CEMIP2: variants seen among roughly 807,000 people sequenced by gnomAD.
CEMIP2 encodes cell migration inducing hyaluronidase 2, also known as cell surface hyaluronidase CEMIP2.
Under a neutral mutation model 146.9 loss-of-function variants are expected in CEMIP2, and 79 were observed. The observed-to-expected ratio is 0.54, with a 90% CI of 0.45 to 0.65. The LOEUF (loss-of-function observed/expected upper bound fraction) is 0.65. Among genes scored for constraint, CEMIP2 ranks in the 30% least tolerant of loss-of-function variants. The pLI, the probability that CEMIP2 is intolerant of heterozygous loss-of-function variation, is 0.00. For missense variants in CEMIP2, 1,596 were observed against 1,696.2 expected, an observed-to-expected ratio of 0.94 and a Z score of 1.04; for synonymous variants, 601 against 606.3, an observed-to-expected ratio of 0.99 and a Z score of 0.13.
At chr9:71,768,066 G>A (rs1340418594) in intron 1 of CEMIP2, among the ~76,000 whole-genome samples, 3 of 152,202 alleles carry the variant, frequency 2.0e-5, no homozygotes, top group African/African-American at 7.2e-5. Flanking sequence ...AGAGAGTGGA[G>A]AGAAAGAAAT....
rs749251269 is a variant in CEMIP2 at position 71,730,157 on chromosome 9, G to A, written c.1870C>T (p.Leu624Phe). The A allele has an allele frequency of 3.1e-6, 5 of 1,613,996 alleles. No homozygotes were observed. The highest frequency in any genetic ancestry group is 2.2e-5 in the South Asian group (2 of 91,078). ...GGCAGGAGAGTACCCGGCTTGGTGA[G>A]GAGTCCCAGATTGTGGAACAAAGTA... Reference protein sequence around the residue: ...RNTLFHNLGLLTKPGTLLPTD... With the variant: ...RNTLFHNLGLFTKPGTLLPTD... The change falls in exon 9 of 24, where the codon CTC (leucine) becomes TTC (phenylalanine). Residue 624 changes from leucine (L) to phenylalanine (F), a missense_variant. By Grantham distance (22) the Leu-to-Phe change is conservative. Transcript: ENST00000377044.
chr9:71,690,382 T>C, intron 21 of CEMIP2, 136 bp from the exon 22 acceptor site: 1 of 1,154,690 alleles, frequency 8.7e-7, no homozygotes, highest in Admixed American at 2.7e-5. Context: ...AATTGTGTGC[T>C]TCACTTGCTT....
intron 12 of CEMIP2, among the ~76,000 whole-genome samples, chr9:71,721,361 T>C (rs1823226138): frequency 6.6e-6 from 1 of 152,216 alleles, no homozygotes; most frequent in Non-Finnish European, 1.5e-5. Context: ...ATCTCTTCTA[T>C]TTTTTCACTT....
At chr9:71,698,254 T>G in intron 19 of CEMIP2, 50 bp from the exon 20 acceptor site, 1 of 1,547,806 alleles carries the variant, frequency 6.5e-7, no homozygotes, top group Middle Eastern at 1.7e-4. Context: ...TCTCAAAAAC[T>G]TACAAAATTC....
chr9:71,763,390 T>A (rs1333216690), intron 1 of CEMIP2, among the ~76,000 whole-genome samples: 1 of 152,230 alleles, frequency 6.6e-6, no homozygotes, highest in East Asian at 1.9e-4. Flanking sequence ...GATATTCATA[T>A]GTTTTAAGAT....
chr9:71,694,102 TA>T (rs1438502816), intron 21 of CEMIP2, among the ~76,000 whole-genome samples: 6 of 26,462 alleles, frequency 2.3e-4, no homozygotes, highest in Non-Finnish European at 6.3e-4. Flanking sequence ...TGTTTATTTT[TA>T]TTTATTTATT....
Position 71,726,822 on chromosome 9 carries a change from G to A in CEMIP2, c.2050-1113C>T, listed in dbSNP as rs182110112. Among the ~76,000 whole-genome samples the A allele has an allele frequency of 2.5e-3, 375 of 152,224 alleles. 1 individual carries two copies. Among genetic ancestry groups the A allele is most frequent in the African/African-American group, 8.8e-3 (364 of 41,538 alleles). On this transcript the variant is annotated intron_variant, in intron 10 of 23. Transcript: ENST00000377044. ...CTGGGCACAAAACAGACAAGTTGAC[G>A]GGATAAGACCTGGAGGGTCAGAAGA...
chr9:71,730,240 A>G lies in CEMIP2; in HGVS notation c.1787T>C (p.Ile596Thr). The G allele has an allele frequency of 1.2e-6, 2 of 1,613,920 alleles. No individual in the cohort carries two copies. The highest frequency in any genetic ancestry group is 1.7e-6 in the Non-Finnish European group (2 of 1,179,888). Reference protein sequence around the residue: ...GTNGLLIKDTIGFDTLGHCFF... With the variant: ...GTNGLLIKDTTGFDTLGHCFF... Reference sequence around the variant, plus strand: ...ACAATGACCTAGTGTGTCAAACCCAATGGTGTCTTTTATCTGCAGAAATAA... The same window carrying G: ...ACAATGACCTAGTGTGTCAAACCCAGTGGTGTCTTTTATCTGCAGAAATAA... The change falls in exon 9 of 24, where the codon ATT becomes ACT. Residue 596 changes from isoleucine to threonine, a missense_variant. Coordinates refer to ENST00000377044, the MANE Select transcript of CEMIP2 (RefSeq NM_013390.3).
chr9:71,768,155 A>G (rs549012006), intron 1 of CEMIP2, among the ~76,000 whole-genome samples: 173 of 152,246 alleles, frequency 1.1e-3, no homozygotes, highest in Non-Finnish European at 2.2e-3. Flanking sequence ...CAATCCAGAG[A>G]TGAAACCGGG....
intron 7 of CEMIP2, among the ~76,000 whole-genome samples, chr9:71,731,457 C>T (rs62547031): frequency 0.07 from 10,712 of 152,156 alleles, 543 homozygotes; most frequent in South Asian, 0.19. Context: ...TTGTAACAGG[C>T]GGGGTACAGT....
intron 7 of CEMIP2, among the ~76,000 whole-genome samples, 161 bp downstream of exon 7, chr9:71,732,190 A>G (rs1374494313): frequency 6.6e-6 from 1 of 152,216 alleles, no homozygotes. Context: ...AAGTCATAAC[A>G]TTCTATTTTA....
Position 71,684,070 on chromosome 9 carries a change from GC to G in CEMIP2, c.*1126del, listed in dbSNP as rs1467769778. 6.6e-6 allele frequency: 1 copy of G among 152,192 alleles called. No homozygotes were observed. Among genetic ancestry groups the G allele is most frequent in the African/African-American group, 2.4e-5 (1 of 41,430 alleles). The allele number at this position is 152,192 out of a possible 1,614,324, so 9.4% of individuals were successfully genotyped here. ...GGCATCACAGCATGCTTTTTAATTGGCTTTAACATTTCATTAAGTAAGAGTG... is the reference window on the plus strand; with the variant it reads ...GGCATCACAGCATGCTTTTTAATTGGTTTAACATTTCATTAAGTAAGAGTG... On this transcript the variant is annotated 3_prime_UTR_variant, in exon 24 of 24. Transcript: ENST00000377044.
chr9:71,739,400 C>T (rs1823853038), intron 5 of CEMIP2, among the ~76,000 whole-genome samples: 1 of 98,296 alleles, frequency 1.0e-5, no homozygotes, highest in Non-Finnish European at 2.1e-5. Flanking sequence ...AAGATGACTA[C>T]TTTTTTTTTA....
At chr9:71,740,300 G>A (rs1823878016) in intron 4 of CEMIP2, 68 bp from the exon 5 acceptor site, 4 of 1,559,296 alleles carry the variant, frequency 2.6e-6, no homozygotes, top group African/African-American at 1.4e-5. Context: ...TGACAAAGAT[G>A]TTATTACAGA....
chr9:71,698,526 C>A (rs1471093932), intron 19 of CEMIP2, among the ~76,000 whole-genome samples: 1 of 152,182 alleles, frequency 6.6e-6, no homozygotes, highest in Non-Finnish European at 1.5e-5. Context: ...CCTTGGAACA[C>A]TTTATACATA....
chr9:71,757,544 TAA>T (rs981862871), intron 1 of CEMIP2, among the ~76,000 whole-genome samples: 2 of 152,146 alleles, frequency 1.3e-5, no homozygotes, highest in African/African-American at 4.8e-5. Context: ...CAGCAAAAAG[TAA>T]AAAGAGGAGT....
intron 1 of CEMIP2, among the ~76,000 whole-genome samples, chr9:71,756,325 ATG>A (rs149022632): frequency 0.066 from 9,911 of 149,498 alleles, 470 homozygotes; most frequent in South Asian, 0.19. Flanking sequence ...GTGCGTGTGT[ATG>A]TGTGTGTGTA....
chr9:71,721,705 A>G (rs1823237647), intron 12 of CEMIP2, among the ~76,000 whole-genome samples: 1 of 152,192 alleles, frequency 6.6e-6, no homozygotes, highest in Non-Finnish European at 1.5e-5. Flanking sequence ...CACTCTATCA[A>G]CTCCATAAAC....
At chr9:71,735,221 A>C (rs1176487968) in intron 5 of CEMIP2, among the ~76,000 whole-genome samples, 1 of 152,122 alleles carries the variant, frequency 6.6e-6, no homozygotes, top group Non-Finnish European at 1.5e-5. Flanking sequence ...ATGTACCTCT[A>C]GCCATGAAGG....
Sources: gnomAD v4.1 joint callset for allele counts (sites outside exome capture counted in the v4.1 genomes callset) on GRCh38, gnomAD v4.1.1 for gene constraint, MANE v1.5 for transcripts, NCBI Gene and HGNC (gene_info 2026-07-23, HGNC 2026-07-21) for gene names.